GABRA3: variants seen among roughly 807,000 people sequenced by gnomAD.
The protein encoded by GABRA3 is gamma-aminobutyric acid receptor subunit alpha-3.
In GABRA3, 10 loss-of-function variants were observed where a neutral mutation model predicts 30.1. That is an observed-to-expected ratio of 0.33 (90% CI 0.20 to 0.56). The LOEUF (loss-of-function observed/expected upper bound fraction) is 0.56. Among genes scored for constraint, GABRA3 ranks in the 20% least tolerant of loss-of-function variants. The pLI, the probability that GABRA3 is intolerant of heterozygous loss-of-function variation, is 0.89. For missense variants in GABRA3, 233 were observed against 392.0 expected (o/e 0.59, Z 3.42); for synonymous variants, 151 against 146.8 (o/e 1.03, Z -0.21).
intron 9 of GABRA3, among the ~76,000 whole-genome samples, chrX:152,177,663 A>G (rs1937091970): frequency 8.9e-6 from 1 of 112,046 alleles, no homozygotes; most frequent in South Asian, 3.7e-4. Flanking sequence ...GTAGTGCTGG[A>G]AACAGTAGCA....
intron 5 of GABRA3, among the ~76,000 whole-genome samples, chrX:152,253,805 T>G (rs1276585112): frequency 9.0e-6 from 1 of 111,619 alleles, no homozygotes; most frequent in African/African-American, 3.3e-5. Flanking sequence ...TAGAACGTCC[T>G]TCCTCTCTTC....
chrX:152,166,764 C>T lies in GABRA3; in HGVS notation c.*1464G>A, dbSNP rs1056969408. ...TTCTAAAAACCTTTTTGGTGCCCAACCAAGTTCCACTAGTGACCCAGAAGG... is the reference window on the plus strand; with the variant it reads ...TTCTAAAAACCTTTTTGGTGCCCAATCAAGTTCCACTAGTGACCCAGAAGG... On this transcript the variant is annotated 3_prime_UTR_variant, in exon 10 of 10. Coordinates refer to ENST00000370314, the MANE Select transcript of GABRA3 (RefSeq NM_000808.4). 1 of 110,679 alleles carries T rather than the reference C, an allele frequency of 9.0e-6. No individual in the cohort carries two copies. Among genetic ancestry groups the T allele is most frequent in the African/African-American group, 3.3e-5 (1 of 30,338 alleles). 9.1% of individuals were successfully genotyped at this position (110,679 alleles called of 1,213,427 possible). A position where few individuals can be genotyped will look rare whatever the true frequency, so the allele number is the denominator to read the frequency against.
chrX:152,184,578 T>G (rs1246932953), intron 9 of GABRA3, among the ~76,000 whole-genome samples: 5 of 111,439 alleles, frequency 4.5e-5, no homozygotes, highest in Non-Finnish European at 9.4e-5. Context: ...GAGTCTGGAG[T>G]ACTCTGTACA....
At chrX:152,172,050 A>G (rs1345072658) in intron 9 of GABRA3, among the ~76,000 whole-genome samples, 3 of 111,614 alleles carry the variant, frequency 2.7e-5, no homozygotes, top group Non-Finnish European at 5.6e-5. Context: ...CCATTTCCAG[A>G]AGTGGGGCAA....
At chrX:152,287,366 G>A (rs1277519380) in intron 3 of GABRA3, among the ~76,000 whole-genome samples, 1 of 110,901 alleles carries the variant, frequency 9.0e-6, no homozygotes, top group Non-Finnish European at 1.9e-5. Flanking sequence ...GGCGGGACCA[G>A]GTGGTGGTAA....
chrX:152,277,329 T>C (rs1939105330), intron 4 of GABRA3, among the ~76,000 whole-genome samples: 1 of 111,571 alleles, frequency 9.0e-6, no homozygotes, highest in African/African-American at 3.3e-5. Context: ...GCAGTTGCCA[T>C]ATCAGAATGT....
chrX:152,395,410 T>A (rs774765590), intron 1 of GABRA3, among the ~76,000 whole-genome samples: 1 of 111,601 alleles, frequency 9.0e-6, no homozygotes, highest in Admixed American at 9.6e-5. Flanking sequence ...GTGAGCAATA[T>A]CTATGATGTA....
chrX:152,232,623 T>TTG (rs201621383), intron 5 of GABRA3, among the ~76,000 whole-genome samples: 50 of 106,256 alleles, frequency 4.7e-4, no homozygotes, highest in South Asian at 2.9e-3. Flanking sequence ...TAGTGTTCTA[T>TTG]TGTGTGTGTG....
chrX:152,323,270 T>C (rs1298285845), intron 3 of GABRA3, among the ~76,000 whole-genome samples: 1 of 111,818 alleles, frequency 8.9e-6, no homozygotes, highest in Non-Finnish European at 1.9e-5. Flanking sequence ...GCATGTTTTT[T>C]TGTTTGTTTA....
intron 5 of GABRA3, among the ~76,000 whole-genome samples, chrX:152,226,206 G>T (rs1156831830): frequency 2.7e-5 from 3 of 111,448 alleles, no homozygotes; most frequent in Non-Finnish European, 1.9e-5. Context: ...AATATCCGCA[G>T]GCTATTGCTG....
chrX:152,438,097 A>G (rs1482844357), intron 1 of GABRA3, among the ~76,000 whole-genome samples: 5 of 112,236 alleles, frequency 4.5e-5, no homozygotes, highest in Admixed American at 9.4e-5. Context: ...GAAAATATAT[A>G]AAGGACTCTT....
intron 4 of GABRA3, among the ~76,000 whole-genome samples, chrX:152,266,994 T>C (rs965345499): frequency 3.6e-5 from 4 of 111,905 alleles, no homozygotes; most frequent in African/African-American, 1.3e-4. Context: ...AGCAGAAAGA[T>C]GCAAAAAGGA....
intron 5 of GABRA3, among the ~76,000 whole-genome samples, chrX:152,238,812 T>C (rs1358410886): frequency 9.2e-6 from 1 of 108,685 alleles, no homozygotes; most frequent in Admixed American, 9.8e-5. Context: ...TGATGGTAGT[T>C]TGTATTTCTG....
chrX:152,253,471 T>A (rs1361386327), intron 5 of GABRA3, among the ~76,000 whole-genome samples: 3 of 111,458 alleles, frequency 2.7e-5, no homozygotes, highest in Non-Finnish European at 5.7e-5. Flanking sequence ...GTACCATCTT[T>A]CACCCATGTT....
intron 1 of GABRA3, among the ~76,000 whole-genome samples, chrX:152,373,043 G>A (rs1347734631): frequency 1.8e-5 from 2 of 111,765 alleles, no homozygotes; most frequent in Non-Finnish European, 3.8e-5. Flanking sequence ...TCTTACGTCT[G>A]CCTCCTTGAA....
chrX:152,237,765 G>T (rs1481007917), intron 5 of GABRA3, among the ~76,000 whole-genome samples: 1 of 106,213 alleles, frequency 9.4e-6, no homozygotes, highest in African/African-American at 3.5e-5. Flanking sequence ...TTGTGAATGG[G>T]AGTTCACTCA....
intron 5 of GABRA3, among the ~76,000 whole-genome samples, chrX:152,248,970 T>C (rs1043990488): frequency 3.6e-5 from 4 of 111,836 alleles, no homozygotes; most frequent in African/African-American, 1.3e-4. Context: ...TAAATAAATC[T>C]GTAAAAACAA....
chrX:152,182,780 C>CTGT (rs1569348712), intron 9 of GABRA3, among the ~76,000 whole-genome samples: 91 of 10,928 alleles, frequency 8.3e-3, no homozygotes, highest in African/African-American at 0.023. Context: ...TATATATATA[C>CTGT]AGTATATATA....
At chrX:152,266,761 A>T (rs1350685706) in intron 4 of GABRA3, among the ~76,000 whole-genome samples, 1 of 111,026 alleles carries the variant, frequency 9.0e-6, no homozygotes, top group African/African-American at 3.3e-5. Context: ...CTGAAAAAAA[A>T]ATATTTTTTT....
Sources: gnomAD v4.1 joint callset for allele counts (sites outside exome capture counted in the v4.1 genomes callset) on GRCh38, gnomAD v4.1.1 for gene constraint, MANE v1.5 for transcripts, NCBI Gene and HGNC (gene_info 2026-07-23, HGNC 2026-07-21) for gene names.